TREML1: variants seen among roughly 807,000 people sequenced by gnomAD.
TREML1 encodes triggering receptor expressed on myeloid cells like 1.
Under a neutral mutation model 22.8 loss-of-function variants are expected in TREML1, and 27 were observed. The ratio of observed to expected loss-of-function variants is 1.19; its 90% confidence interval spans 0.87 to 1.64. The LOEUF (loss-of-function observed/expected upper bound fraction) is 1.64. Ranked by LOEUF, TREML1 falls within the 40% of genes most tolerant of loss-of-function variation. TREML1 has a pLI of 0.00. For missense variants in TREML1, 356 were observed against 382.0 expected (o/e 0.93, Z 0.57); for synonymous variants, 153 against 161.9 (o/e 0.94, Z 0.42).
chr6:41,154,058 G>A lies in TREML1; in HGVS notation c.76C>T (p.Leu26=), dbSNP rs979087079. 7 of 1,613,858 alleles carry A rather than the reference G, an allele frequency of 4.3e-6. No individual in the cohort carries two copies. In the Middle Eastern group the frequency reaches 6.6e-4, roughly 152 times the overall value. The change falls in exon 2 of 6, where the codon CTG becomes TTG. Residue 26 remains leucine (L), a synonymous_variant. Transcript: ENST00000426005. ...QGIVGSLPEV[L]QAPVGSSILV... ...ATGGAGCTTCCCACGGGTGCCTGCA[G>A]CACCTCAGGGAGGCTGCCAACTATG...
chr6:41,150,646 T>A (rs563452630), intron 4 of TREML1, among the ~76,000 whole-genome samples, 173 bp downstream of exon 4: 2 of 152,254 alleles, frequency 1.3e-5, no homozygotes, highest in African/African-American at 2.4e-5. Context: ...TTGAATCTCC[T>A]TCCCTCCCCT....
chr6:41,151,055 A>C, intron 3 of TREML1, 148 bp from the exon 4 acceptor site: 1 of 745,554 alleles, frequency 1.3e-6, no homozygotes, highest in South Asian at 1.7e-5. Context: ...GAGGTAGGGC[A>C]GAAGAGGGAC....
At chr6:41,152,319 C>T (rs1403668435) in intron 2 of TREML1, among the ~76,000 whole-genome samples, 1 of 152,168 alleles carries the variant, frequency 6.6e-6, no homozygotes, top group African/African-American at 2.4e-5. Context: ...TCATCCTCCA[C>T]AGCACCTGCC....
chr6:41,152,214 G>T (rs1765273973), intron 2 of TREML1, among the ~76,000 whole-genome samples: 1 of 152,138 alleles, frequency 6.6e-6, no homozygotes, highest in South Asian at 2.1e-4. Flanking sequence ...GTGCCTATTA[G>T]GCTGCCTTTG....
chr6:41,151,488 G>T, intron 2 of TREML1, 104 bp from the exon 3 acceptor site: 1 of 1,024,708 alleles, frequency 9.8e-7, no homozygotes. Context: ...GAGGAGTGGA[G>T]CCAAGGAAGG....
chr6:41,153,586 C>G (rs557003238), intron 2 of TREML1, among the ~76,000 whole-genome samples, 172 bp downstream of exon 2: 1 of 152,182 alleles, frequency 6.6e-6, no homozygotes, highest in Non-Finnish European at 1.5e-5. Flanking sequence ...TGATTTATCT[C>G]AGACTTCCCA....
intron 4 of TREML1, among the ~76,000 whole-genome samples, chr6:41,150,519 A>C (rs2113866006): frequency 6.6e-6 from 1 of 151,654 alleles, no homozygotes; most frequent in Admixed American, 6.6e-5. Flanking sequence ...GCTCCCTTCA[A>C]CCCACCTCAG....
At chr6:41,152,412 T>C (rs1484771313) in intron 2 of TREML1, among the ~76,000 whole-genome samples, 1 of 152,136 alleles carries the variant, frequency 6.6e-6, no homozygotes, top group Non-Finnish European at 1.5e-5. Flanking sequence ...ATTTGCCTTT[T>C]AGTGAGTTAG....
chr6:41,154,384 G>T, upstream of TREML1: 1 of 1,090,832 alleles, frequency 9.2e-7, no homozygotes, highest in Non-Finnish European at 1.4e-6. Context: ...AGTCACTTGG[G>T]GTGGGAGAAA....
Position 41,149,389 on chromosome 6 carries a change from A to G in TREML1, c.*215T>C, listed in dbSNP as rs1765181585. The stretch of plus-strand genomic sequence containing the variant: ...TATTTAGCCCAGTGTGTAATGGTAG[A>G]AGAACCAGTGGGGGAGTTGGGTGCA... On this transcript the variant is annotated 3_prime_UTR_variant, in exon 6 of 6. Transcript: ENST00000426005. The G allele has an allele frequency of 5.4e-6, 3 of 551,004 alleles. No individual in the cohort carries two copies. Among genetic ancestry groups the G allele is most frequent in the African/African-American group, 3.7e-5 (2 of 53,356 alleles). The allele number at this position is 551,004 out of a possible 1,614,324, so 34.1% of individuals were successfully genotyped here.
chr6:41,154,627 C>T (rs1009189169), upstream of TREML1, among the ~76,000 whole-genome samples: 1 of 152,188 alleles, frequency 6.6e-6, no homozygotes, highest in Non-Finnish European at 1.5e-5. Flanking sequence ...CTTCCTAATA[C>T]AGAATCTGAG....
intron 2 of TREML1, among the ~76,000 whole-genome samples, chr6:41,152,761 T>A (rs1364579224): frequency 6.6e-6 from 1 of 152,028 alleles, no homozygotes; most frequent in East Asian, 1.9e-4. Context: ...TAGTCCCAGT[T>A]ACTTGGGAGG....
upstream of TREML1, among the ~76,000 whole-genome samples, chr6:41,155,349 G>A (rs1019284874): frequency 1.4e-5 from 2 of 142,152 alleles, no homozygotes; most frequent in Non-Finnish European, 3.0e-5. Flanking sequence ...CTTCTTCACC[G>A]GAGATTTACA....
At chr6:41,153,666 G>T (rs772824139) in intron 2 of TREML1, 92 bp downstream of exon 2, 3 of 1,344,108 alleles carry the variant, frequency 2.2e-6, no homozygotes, top group Non-Finnish European at 3.1e-6. Flanking sequence ...CTCCCCAGGG[G>T]CCCCCACTCC....
In TREML1 at chr6:41,153,816, C is replaced by G. The variant is rs1372819258; in HGVS notation, c.318G>C (p.Val106=). 2 of 1,613,940 alleles carry G rather than the reference C, an allele frequency of 1.2e-6. No homozygotes were observed. The highest frequency in any genetic ancestry group is 1.7e-6 in the Non-Finnish European group (2 of 1,179,964). ...EEDAGEYGCM[V]DGARGPQILH... is the part of the protein sequence containing the mutation. ...AAATCTGGGGCCCCCTGGCCCCATC[C>G]ACCATGCAGCCATACTCGCCAGCAT... Residue 106 remains valine (V), a synonymous_variant, in exon 2 of 6, where the codon GTG becomes GTC. Transcript: ENST00000426005.
At chr6:41,150,767 G>A in intron 4 of TREML1, 52 bp downstream of exon 4, 2 of 1,529,858 alleles carry the variant, frequency 1.3e-6, no homozygotes. Flanking sequence ...CTGCACAACT[G>A]GTTGATACTG....
At chr6:41,151,793 C>A (rs932065458) in intron 2 of TREML1, among the ~76,000 whole-genome samples, 3 of 152,194 alleles carry the variant, frequency 2.0e-5, no homozygotes, top group Non-Finnish European at 4.4e-5. Context: ...CAGTTCTCAT[C>A]CTCAATGGTG....
In TREML1 at chr6:41,149,504, G is replaced by A; in HGVS notation, c.*100C>T. The A allele has an allele frequency of 7.8e-7, 1 of 1,281,994 alleles. No homozygotes were observed. 79.4% of individuals were successfully genotyped at this position (1,281,994 alleles called of 1,614,324 possible). The stretch of plus-strand genomic sequence containing the variant: ...ATTGGATTAGATCTTAAAGTCCCTG[G>A]TTGCTCAGATATCCTAAGGATCCTA... On this transcript the variant is annotated 3_prime_UTR_variant, in exon 6 of 6. Coordinates refer to ENST00000426005, the MANE Select transcript of TREML1 (RefSeq NM_178174.4).
chr6:41,150,895 G>C lies in TREML1; in HGVS notation c.492C>G (p.Ile164Met). Reference sequence around the variant, plus strand: ...GACCTACCAGGAGCACAGCACCCCAGATCAAGGGGATGCTGAGGAACAGAA... The same window carrying C: ...GACCTACCAGGAGCACAGCACCCCACATCAAGGGGATGCTGAGGAACAGAA... Reference protein sequence around the residue: ...PSQDEKSIPLIWGAVLLVGLL... With the variant: ...PSQDEKSIPLMWGAVLLVGLL... The change falls in exon 4 of 6, where the codon ATC (isoleucine) becomes ATG (methionine). Residue 164 changes from isoleucine to methionine, a missense_variant. By Grantham distance (10) the Ile-to-Met change is conservative. Transcript: ENST00000426005. The C allele has an allele frequency of 6.2e-7, 1 of 1,614,036 alleles. No individual in the cohort carries two copies. The highest frequency in any genetic ancestry group is 1.1e-5 in the South Asian group (1 of 91,062).
Sources: gnomAD v4.1 joint callset for allele counts (sites outside exome capture counted in the v4.1 genomes callset) on GRCh38, gnomAD v4.1.1 for gene constraint, MANE v1.5 for transcripts, NCBI Gene and HGNC (gene_info 2026-07-23, HGNC 2026-07-21) for gene names.